FMNL2: variants seen among roughly 807,000 people sequenced by gnomAD.
FMNL2 encodes formin like 2, also known as formin-like protein 2.
FMNL2 carries 51 observed loss-of-function variants against 130.2 expected under a neutral mutation model. The ratio of observed to expected loss-of-function variants is 0.39; its 90% CI spans 0.31 to 0.49. The LOEUF (loss-of-function observed/expected upper bound fraction) is 0.49. Among genes scored for constraint, FMNL2 ranks in the 20% least tolerant of loss-of-function variants. The probability of loss-of-function intolerance (pLI) is 0.85; values close to 1 mark genes in which losing one functional copy is unlikely to be tolerated. For missense variants in FMNL2, 977 were observed against 1,316.2 expected (o/e 0.74, Z 3.99); for synonymous variants, 465 against 467.1 (o/e 1.00, Z 0.06).
intron 1 of FMNL2, among the ~76,000 whole-genome samples, chr2:152,394,589 T>G (rs961796306): frequency 1.1e-4 from 16 of 151,740 alleles, no homozygotes; most frequent in Non-Finnish European, 1.5e-5. Flanking sequence ...AATAGATACA[T>G]GTGGAAAGAG....
intron 1 of FMNL2, among the ~76,000 whole-genome samples, chr2:152,489,176 G>A (rs1336563402): frequency 6.6e-6 from 1 of 150,884 alleles, no homozygotes; most frequent in African/African-American, 2.5e-5. Flanking sequence ...CAAAAGAAGT[G>A]TTCCCTACAG....
At chr2:152,431,767 A>T (rs1687503521) in intron 1 of FMNL2, among the ~76,000 whole-genome samples, 1 of 151,838 alleles carries the variant, frequency 6.6e-6, no homozygotes, top group South Asian at 2.1e-4. Flanking sequence ...GGAGTTGGAG[A>T]CCAGCCCGGG....
At chr2:152,439,251 G>C (rs906548144) in intron 1 of FMNL2, among the ~76,000 whole-genome samples, 1 of 152,088 alleles carries the variant, frequency 6.6e-6, no homozygotes, top group African/African-American at 2.4e-5. Context: ...TAATCAAGGG[G>C]AGCTGTTAAT....
At chr2:152,413,707 A>G (rs1166001160) in intron 1 of FMNL2, among the ~76,000 whole-genome samples, 1 of 152,244 alleles carries the variant, frequency 6.6e-6, no homozygotes, top group Admixed American at 6.5e-5. Flanking sequence ...ACAGGGAGGA[A>G]CAAGGGCTTT....
At chr2:152,413,526 G>A (rs1381480357) in intron 1 of FMNL2, among the ~76,000 whole-genome samples, 1 of 152,146 alleles carries the variant, frequency 6.6e-6, no homozygotes, top group Non-Finnish European at 1.5e-5. Flanking sequence ...CATGGGGGAG[G>A]AGGAGAAGGT....
chr2:152,360,541 A>G (rs889322792), intron 1 of FMNL2, among the ~76,000 whole-genome samples: 1 of 152,076 alleles, frequency 6.6e-6, no homozygotes. Context: ...GATGGTCTGT[A>G]TGCTGTCTTC....
At chr2:152,516,534 T>C (rs1692779741) in intron 1 of FMNL2, among the ~76,000 whole-genome samples, 1 of 152,218 alleles carries the variant, frequency 6.6e-6, no homozygotes, top group Non-Finnish European at 1.5e-5. Flanking sequence ...ACTGAATGCT[T>C]GTGAGTTTTA....
At chr2:152,421,905 T>G (rs548567613) in intron 1 of FMNL2, among the ~76,000 whole-genome samples, 21 of 152,258 alleles carry the variant, frequency 1.4e-4, no homozygotes, top group Non-Finnish European at 2.9e-4. Flanking sequence ...CTGTGTTTGA[T>G]GCCTACCCTG....
chr2:152,542,880 T>C, intron 3 of FMNL2, 61 bp downstream of exon 3: 1 of 1,567,218 alleles, frequency 6.4e-7, no homozygotes, highest in South Asian at 1.1e-5. Flanking sequence ...AGAATCCTCC[T>C]GCATTGGAAG....
intron 1 of FMNL2, among the ~76,000 whole-genome samples, chr2:152,380,569 G>C (rs1384013128): frequency 6.6e-6 from 1 of 152,144 alleles, no homozygotes; most frequent in Non-Finnish European, 1.5e-5. Flanking sequence ...TCCCACCTCT[G>C]CACCTTGGCT....
At position 152,390,288 on chromosome 2, in the gene FMNL2, A is replaced by G. The variant is rs1685037881; in HGVS notation, c.117+54568A>G. 6.7e-6 allele frequency: 9 copies of G among 1,337,082 alleles called. No homozygotes were observed. In the South Asian group the frequency reaches 8.2e-5, roughly 12 times the overall value. The allele number at this position is 1,337,082 out of a possible 1,614,324, so 82.8% of individuals were successfully genotyped here. ...GGTGGGGCTCAAGGGGCAGCCAGCAATCATCGATGGGGAGCTCTACAACGA... is the reference window on the plus strand; with the variant it reads ...GGTGGGGCTCAAGGGGCAGCCAGCAGTCATCGATGGGGAGCTCTACAACGA... On this transcript the variant is annotated intron_variant, in intron 1 of 25. Coordinates refer to ENST00000288670, the MANE Select transcript of FMNL2 (RefSeq NM_052905.4).
chr2:152,601,717 T>TAG (rs1169999763), intron 9 of FMNL2, among the ~76,000 whole-genome samples: 1 of 147,418 alleles, frequency 6.8e-6, no homozygotes, highest in African/African-American at 2.6e-5. Context: ...TCACCCAGGC[T>TAG]AGAGTGCAAT....
At chr2:152,382,833 A>G (rs932013518) in intron 1 of FMNL2, among the ~76,000 whole-genome samples, 1 of 152,214 alleles carries the variant, frequency 6.6e-6, no homozygotes, top group Non-Finnish European at 1.5e-5. Flanking sequence ...ATAATATTCA[A>G]TAAATAATAC....
intron 25 of FMNL2, among the ~76,000 whole-genome samples, chr2:152,645,103 G>A (rs1683436318): frequency 6.6e-6 from 1 of 152,174 alleles, no homozygotes; most frequent in South Asian, 2.1e-4. Context: ...TGCCTGCTCT[G>A]CAGTGTACTT....
chr2:152,591,433 T>C (rs1697434429), intron 9 of FMNL2, among the ~76,000 whole-genome samples: 1 of 152,230 alleles, frequency 6.6e-6, no homozygotes, highest in South Asian at 2.1e-4. Context: ...CAGAACTGTT[T>C]GGAATTGCCA....
chr2:152,367,987 G>T (rs1199591427), intron 1 of FMNL2, among the ~76,000 whole-genome samples: 1 of 152,106 alleles, frequency 6.6e-6, no homozygotes, highest in Non-Finnish European at 1.5e-5. Context: ...TTGACCTACT[G>T]AGCCAGTCTA....
chr2:152,607,028 A>G (rs1411887250), intron 9 of FMNL2, among the ~76,000 whole-genome samples: 2 of 105,952 alleles, frequency 1.9e-5, no homozygotes, highest in African/African-American at 3.5e-5. Context: ...TTTTTTTACC[A>G]TGACTGCATT....
chr2:152,471,550 G>T (rs973826457), intron 1 of FMNL2, among the ~76,000 whole-genome samples: 35 of 152,190 alleles, frequency 2.3e-4, no homozygotes, highest in Non-Finnish European at 2.6e-4. Flanking sequence ...TAGTCCACGT[G>T]GGGGTGGGCG....
At chr2:152,443,607 C>A (rs892011561) in intron 1 of FMNL2, among the ~76,000 whole-genome samples, 1 of 152,096 alleles carries the variant, frequency 6.6e-6, no homozygotes, top group African/African-American at 2.4e-5. Flanking sequence ...CTCTGGGAGG[C>A]TGAGGTGGGC....
Sources: allele counts gnomAD v4.1 joint callset (sites outside exome capture counted in the v4.1 genomes callset), GRCh38; gene constraint gnomAD v4.1.1; transcripts MANE v1.5; gene names NCBI Gene and HGNC (gene_info 2026-07-23, HGNC 2026-07-21).